The following USH2A variants were observed in gnomAD, a reference collection of about 807,000 sequenced individuals.
USH2A encodes Usher syndrome 2A (autosomal recessive, mild).
Under a neutral mutation model 538.9 loss-of-function variants are expected in USH2A, and 443 were observed. That is an observed-to-expected ratio of 0.82 (90% confidence interval 0.76 to 0.89). USH2A has a LOEUF of 0.89. Ranked by LOEUF, USH2A falls within the 40% of genes least tolerant of loss-of-function variation. The pLI is 0.00. For synonymous variants in USH2A, 2,413 were observed against 2,273.5 expected, an observed-to-expected ratio of 1.06 and a Z score of -1.75; for missense variants, 6,633 against 6,324.8, an observed-to-expected ratio of 1.05 and a Z score of -1.65.
intron 30 of USH2A, among the ~76,000 whole-genome samples, chr1:216,068,208 T>G (rs1308101677): frequency 6.6e-6 from 1 of 152,142 alleles, no homozygotes; most frequent in East Asian, 1.9e-4. Context: ...AGAAGCCAGT[T>G]AAGTGAGGAC....
chr1:216,382,768 T>C (rs1478820107), intron 3 of USH2A, among the ~76,000 whole-genome samples: 1 of 152,010 alleles, frequency 6.6e-6, no homozygotes, highest in Non-Finnish European at 1.5e-5. Context: ...GAAAAGCCCT[T>C]GGAAATAGGG....
intron 51 of USH2A, among the ~76,000 whole-genome samples, chr1:215,788,163 A>C (rs912862643): frequency 5.3e-5 from 8 of 152,138 alleles, no homozygotes; most frequent in African/African-American, 1.4e-4. Context: ...AAAATAATAC[A>C]CACAAGACAG....
rs1323585142 is a variant in USH2A, at chr1:215,782,132, G to A, written c.10650C>T (p.Ser3550=). The change falls in exon 54 of 72, where the codon AGC becomes AGT. Residue 3550 remains serine, a synonymous_variant. Coordinates refer to ENST00000307340, the MANE Select transcript of USH2A (RefSeq NM_206933.4). The stretch of plus-strand genomic sequence containing the variant: ...GTTGAATTCCCTCTTTATCAGAGAA[G>A]CTCAGTGATGTTCCCCGAAAACGTT... ...GIERFRGTSL[S]FSDKEGIQPF... is the part of the protein sequence containing the mutation. 1 of 1,613,874 alleles carries A rather than the reference G, an allele frequency of 6.2e-7. No individual in the cohort carries two copies. Among genetic ancestry groups the A allele is most frequent in the East Asian group, 2.2e-5 (1 of 44,882 alleles).
In USH2A at chr1:215,972,503, C is replaced by T. The variant is rs554107885; in HGVS notation, c.6806-1727G>A. On this transcript the variant is annotated intron_variant, in intron 35 of 71. Transcript: ENST00000307340. ...TTTCCCTTTTGTTCTTCCAGCCCTT[C>T]TTTACAACACCTTGAGAACAACCTA... Among the ~76,000 whole-genome samples, 252 of 152,272 alleles carry T rather than the reference C, an allele frequency of 1.7e-3. 1 individual carries two copies. Among genetic ancestry groups the T allele is most frequent in the African/African-American group, 5.9e-3 (245 of 41,570 alleles).
intron 48 of USH2A, 144 bp from the exon 49 acceptor site, chr1:215,814,048 A>G (rs1413289887): frequency 5.2e-6 from 5 of 961,934 alleles, no homozygotes; most frequent in South Asian, 3.1e-5. Context: ...TTAAAAATGT[A>G]TTTTCCAGGA....
intron 34 of USH2A, among the ~76,000 whole-genome samples, chr1:215,996,587 T>G (rs1451990735): frequency 3.1e-5 from 4 of 128,858 alleles, no homozygotes; most frequent in Admixed American, 1.6e-4. Flanking sequence ...TTTTTTTTTT[T>G]TTTTTTTTGC....
Position 216,162,828 on chromosome 1 carries a change from T to G in USH2A, c.4627+12424A>C, listed in dbSNP as rs149320092. Reference sequence around the variant, plus strand: ...GTTGCCTGTGAAATCTCTACTTAGCTCCAACTACCAAGCAGATCTTCTCTA... The same window carrying G: ...GTTGCCTGTGAAATCTCTACTTAGCGCCAACTACCAAGCAGATCTTCTCTA... On this transcript the variant is annotated intron_variant, in intron 21 of 71. Transcript: ENST00000307340. 9.2e-3 allele frequency among the ~76,000 whole-genome samples: 1,401 copies of G among 152,120 alleles called. 22 individuals are homozygous for G. Among genetic ancestry groups the G allele is most frequent in the African/African-American group, 0.03 (1,254 of 41,518 alleles).
rs536310195 is a variant in USH2A, at chr1:216,210,764, C to T, written c.3158-3333G>A. ...ATAAAGGGTCGAGGCGGGCGGATCA[C>T]GAGGTCAGGAGATCAAGACCATCCT... is the stretch of plus-strand genomic sequence containing the variant. On this transcript the variant is annotated intron_variant, in intron 15 of 71. Transcript: ENST00000307340. 3.3e-5 allele frequency among the ~76,000 whole-genome samples: 5 copies of T among 152,044 alleles called. No individual in the cohort carries two copies. In the East Asian group the frequency reaches 5.8e-4, roughly 18 times the overall value.
At chr1:216,193,835 A>C (rs2034774768) in intron 19 of USH2A, among the ~76,000 whole-genome samples, 1 of 152,014 alleles carries the variant, frequency 6.6e-6, no homozygotes, top group African/African-American at 2.4e-5. Flanking sequence ...GTTTTAAGAC[A>C]CTCAGTTTAT....
In USH2A at chr1:215,648,191, T is replaced by C. The variant is rs1656922846; in HGVS notation, c.14582+337A>G. 2.0e-5 allele frequency among the ~76,000 whole-genome samples: 3 copies of C among 152,250 alleles called. No homozygotes were observed. In the South Asian group the frequency reaches 6.2e-4, roughly 31 times the overall value. On this transcript the variant is annotated intron_variant, in intron 66 of 71. Coordinates refer to ENST00000307340, the MANE Select transcript of USH2A (RefSeq NM_206933.4). ...ACTGTGGAGGTATCTTATGTTCCAGTGAAGGCTGGTAGAAGGAATGCTTCC... is the reference window on the plus strand; with the variant it reads ...ACTGTGGAGGTATCTTATGTTCCAGCGAAGGCTGGTAGAAGGAATGCTTCC...
Position 215,728,219 on chromosome 1 carries a change from TTG to T in USH2A, c.11875_11876del (p.Gln3959AsnfsTer53), listed in dbSNP as rs779791079. ...AATCTTGAGGTGGAGCTTCCAGAGT[TTG>T]TGTTAATGACCACAGACTCTCCACT... is the stretch of plus-strand genomic sequence containing the variant. ...GSVESLWSLT[Q>X]TLEAPPQDFP... On this transcript the variant is annotated frameshift_variant, in exon 61 of 72. Transcript: ENST00000307340. LOFTEE classifies it high-confidence loss of function. The T allele has an allele frequency of 8.1e-6, 13 of 1,613,992 alleles. No homozygotes were observed. Among genetic ancestry groups the T allele is most frequent in the Non-Finnish European group, 8.5e-6 (10 of 1,180,032 alleles).
chr1:216,128,261 A>G lies in USH2A; in HGVS notation c.4628-31048T>C, dbSNP rs560858818. 3.3e-5 allele frequency among the ~76,000 whole-genome samples: 5 copies of G among 152,262 alleles called. No homozygotes were observed. In the South Asian group the frequency reaches 8.3e-4, roughly 25 times the overall value. On this transcript the variant is annotated intron_variant, in intron 21 of 71. Coordinates refer to ENST00000307340, the MANE Select transcript of USH2A (RefSeq NM_206933.4). ...TTTTTCATCTAACTTATTTGCTACT[A>G]AAAACAATGTGTAATTTAGATGCAC... is the stretch of plus-strand genomic sequence containing the variant.
At chr1:215,747,399 C>T (rs79515738) in intron 58 of USH2A, among the ~76,000 whole-genome samples, 5,135 of 152,164 alleles carry the variant, frequency 0.034, 439 homozygotes, top group East Asian at 0.27. Flanking sequence ...TATTTAAAGG[C>T]TATTCTTCGA....
At position 216,353,214 on chromosome 1, in the gene USH2A, T is replaced by C. The variant is rs143337968; in HGVS notation, c.784+11739A>G. ...GGAAAGTCGTTAAATCATTTGAAGA[T>C]CCCGGGAGGGATGAGGAATTTTTGG... On this transcript the variant is annotated intron_variant, in intron 4 of 71. Coordinates refer to ENST00000307340, the MANE Select transcript of USH2A (RefSeq NM_206933.4). 4.5e-3 allele frequency among the ~76,000 whole-genome samples: 685 copies of C among 152,080 alleles called. 6 individuals are homozygous for C. Among genetic ancestry groups the C allele is most frequent in the African/African-American group, 0.015 (631 of 41,488 alleles).
At chr1:215,751,803 T>C (rs1010977318) in intron 58 of USH2A, among the ~76,000 whole-genome samples, 1 of 152,248 alleles carries the variant, frequency 6.6e-6, no homozygotes, top group Non-Finnish European at 1.5e-5. Context: ...CAAACAATAA[T>C]GGAGTTTTAC....
At chr1:215,943,748 T>C (rs1666693181) in intron 37 of USH2A, among the ~76,000 whole-genome samples, 1 of 152,168 alleles carries the variant, frequency 6.6e-6, no homozygotes, top group Admixed American at 6.5e-5. Flanking sequence ...GGGGGTGTCC[T>C]AAGAAGGCAT....
At chr1:215,827,213 C>T (rs1482662963) in intron 47 of USH2A, among the ~76,000 whole-genome samples, 1 of 151,954 alleles carries the variant, frequency 6.6e-6, no homozygotes, top group Non-Finnish European at 1.5e-5. Context: ...CCTGAGGACA[C>T]CCAGAATGCA....
At chr1:216,202,275 T>G (rs1209127483) in intron 16 of USH2A, among the ~76,000 whole-genome samples, 1 of 152,222 alleles carries the variant, frequency 6.6e-6, no homozygotes, top group Non-Finnish European at 1.5e-5. Context: ...GTTTGTAGCA[T>G]CTGAAAAGTG....
At chr1:215,799,867 T>G (rs1298499163) in intron 49 of USH2A, among the ~76,000 whole-genome samples, 2 of 152,042 alleles carry the variant, frequency 1.3e-5, no homozygotes, top group Non-Finnish European at 2.9e-5. Flanking sequence ...ATGCCTGTAG[T>G]CCCACCTACT....
Sources: gnomAD v4.1 joint callset for allele counts (sites outside exome capture counted in the v4.1 genomes callset) on GRCh38, gnomAD v4.1.1 for gene constraint, MANE v1.5 for transcripts, NCBI Gene and HGNC (gene_info 2026-07-23, HGNC 2026-07-21) for gene names.